The following LRBA variants were observed in gnomAD, a reference collection of about 807,000 sequenced individuals.
LRBA encodes the protein LPS responsive beige-like anchor protein.
LRBA carries 176 observed loss-of-function variants against 330.0 expected under a neutral mutation model. The ratio of observed to expected loss-of-function variants is 0.53; its 90% CI spans 0.47 to 0.60. The LOEUF (loss-of-function observed/expected upper bound fraction) is 0.60. LRBA is among the 20% of genes least tolerant of loss of function. The pLI, the probability that LRBA is intolerant of heterozygous loss-of-function variation, is 0.00. For missense variants in LRBA, 3,259 were observed against 3,444.8 expected (o/e 0.95, Z 1.35); for synonymous variants, 1,230 against 1,193.0 (o/e 1.03, Z -0.64).
chr4:150,608,105 G>C (rs1356083628), intron 37 of LRBA, among the ~76,000 whole-genome samples: 1 of 152,114 alleles, frequency 6.6e-6, no homozygotes, highest in Non-Finnish European at 1.5e-5. Flanking sequence ...CAGCTACTTG[G>C]GAAGCAGAGG....
chr4:150,663,393 A>G (rs1781295643), intron 37 of LRBA, among the ~76,000 whole-genome samples: 1 of 152,098 alleles, frequency 6.6e-6, no homozygotes, highest in Non-Finnish European at 1.5e-5. Flanking sequence ...AAGGTGCACA[A>G]AAGAGTATCA....
At chr4:151,007,145 T>G (rs964787852) in intron 2 of LRBA, among the ~76,000 whole-genome samples, 1 of 152,244 alleles carries the variant, frequency 6.6e-6, no homozygotes, top group Non-Finnish European at 1.5e-5. Context: ...CTTACATTTA[T>G]GCTCAACTGA....
At chr4:150,414,865 A>G (rs1046939078) in intron 47 of LRBA, among the ~76,000 whole-genome samples, 1 of 152,226 alleles carries the variant, frequency 6.6e-6, no homozygotes, top group Non-Finnish European at 1.5e-5. Flanking sequence ...GGCAAAAAGG[A>G]AAAGTCATAT....
intron 4 of LRBA, among the ~76,000 whole-genome samples, chr4:150,924,342 T>C (rs1017128861): frequency 1.3e-5 from 2 of 151,990 alleles, no homozygotes; most frequent in Non-Finnish European, 2.9e-5. Context: ...AGAAACTCCA[T>C]CTCTAGAAAA....
chr4:150,376,416 G>C (rs1362600307), intron 47 of LRBA, among the ~76,000 whole-genome samples: 2 of 152,116 alleles, frequency 1.3e-5, no homozygotes, highest in African/African-American at 2.4e-5. Context: ...TTTTGATTTT[G>C]AAATAAGTTT....
intron 38 of LRBA, among the ~76,000 whole-genome samples, chr4:150,597,308 T>C (rs1040361741): frequency 6.6e-6 from 1 of 151,904 alleles, no homozygotes; most frequent in Non-Finnish European, 1.5e-5. Flanking sequence ...TTTTAAGAGC[T>C]CAACAATTAA....
Position 150,677,810 on chromosome 4 carries a change from AAAAAAG to A in LRBA, c.5921+5735_5921+5740del, listed in dbSNP as rs1437926154. Among the ~76,000 whole-genome samples the A allele has an allele frequency of 3.7e-5, 4 of 108,910 alleles. No homozygotes were observed. In the South Asian group the frequency reaches 1.1e-3, roughly 29 times the overall value. 71.4% of individuals were successfully genotyped at this position (108,910 alleles called of 152,430 possible). The stretch of plus-strand genomic sequence containing the variant: ...ACGACAAGATCCCATGTCTTAAAAA[AAAAAAG>A]AAAAAGAAAAAGAAAAAAGAAAAGA... On this transcript the variant is annotated intron_variant, in intron 37 of 56. Coordinates refer to ENST00000651943, the MANE Select transcript of LRBA (RefSeq NM_001364905.1).
At position 150,398,343 on chromosome 4, in the gene LRBA, T is replaced by C. The variant is rs1422699114; in HGVS notation, c.7194+17095A>G. 2.0e-5 allele frequency among the ~76,000 whole-genome samples: 3 copies of C among 152,070 alleles called. No individual in the cohort carries two copies. In the East Asian group the frequency reaches 5.8e-4, roughly 29 times the overall value. ...AAGAAAATAAGCCAATTGACAGAGG[T>C]AGATTTCACGAGCTCATAAAAATGA... On this transcript the variant is annotated intron_variant, in intron 47 of 56. Coordinates refer to ENST00000651943, the MANE Select transcript of LRBA (RefSeq NM_001364905.1).
intron 37 of LRBA, among the ~76,000 whole-genome samples, chr4:150,603,710 G>A (rs1229735465): frequency 6.6e-6 from 1 of 152,042 alleles, no homozygotes; most frequent in African/African-American, 2.4e-5. Context: ...ACATTGCCCA[G>A]GCTGGTTTCG....
intron 51 of LRBA, chr4:150,310,826 T>A (rs1396943014): frequency 1.3e-5 from 2 of 154,270 alleles, no homozygotes; most frequent in Non-Finnish European, 2.9e-5. Context: ...TTAAATGTCA[T>A]ATATTTGAAA....
chr4:150,341,007 T>A (rs1735463286), intron 48 of LRBA, among the ~76,000 whole-genome samples: 1 of 152,140 alleles, frequency 6.6e-6, no homozygotes, highest in Non-Finnish European at 1.5e-5. Flanking sequence ...CAAATACCAC[T>A]TTGGCAGCTC....
chr4:150,853,655 T>C (rs1399566280), intron 22 of LRBA, among the ~76,000 whole-genome samples: 4 of 152,088 alleles, frequency 2.6e-5, no homozygotes, highest in African/African-American at 4.8e-5. Context: ...TTTACCCAAA[T>C]GGGAAAAAAC....
intron 2 of LRBA, among the ~76,000 whole-genome samples, chr4:151,006,809 C>T (rs1021099863): frequency 7.2e-5 from 11 of 152,262 alleles, no homozygotes; most frequent in Admixed American, 5.9e-4. Flanking sequence ...CTGTCACTTC[C>T]AGGAAACTTT....
chr4:150,404,860 T>A (rs1012826414), intron 47 of LRBA, among the ~76,000 whole-genome samples: 2 of 152,218 alleles, frequency 1.3e-5, no homozygotes, highest in African/African-American at 2.4e-5. Context: ...AATAGTATCA[T>A]TTTATTTTAT....
At chr4:150,977,058 T>C (rs1740262316) in intron 2 of LRBA, among the ~76,000 whole-genome samples, 1 of 152,154 alleles carries the variant, frequency 6.6e-6, no homozygotes, top group Non-Finnish European at 1.5e-5. Flanking sequence ...CTGAAATTCC[T>C]AGGCAAGTCC....
intron 36 of LRBA, among the ~76,000 whole-genome samples, chr4:150,703,960 T>C (rs1049727286): frequency 6.6e-6 from 1 of 152,056 alleles, no homozygotes; most frequent in Non-Finnish European, 1.5e-5. Flanking sequence ...ATCCCAGCAA[T>C]TGGAGAGGCC....
intron 2 of LRBA, among the ~76,000 whole-genome samples, chr4:151,006,712 C>A (rs1206436651): frequency 6.6e-6 from 1 of 152,072 alleles, no homozygotes; most frequent in Admixed American, 6.6e-5. Flanking sequence ...ATCTGATTTT[C>A]CAGTTCCCAA....
intron 42 of LRBA, among the ~76,000 whole-genome samples, chr4:150,481,727 C>T (rs1406046537): frequency 6.6e-6 from 1 of 152,048 alleles, no homozygotes; most frequent in Non-Finnish European, 1.5e-5. Flanking sequence ...TTTTGAAATT[C>T]ATCCATGTTG....
intron 34 of LRBA, among the ~76,000 whole-genome samples, chr4:150,788,005 A>G (rs1480990153): frequency 6.6e-6 from 1 of 152,134 alleles, no homozygotes; most frequent in East Asian, 1.9e-4. Flanking sequence ...TAGTTTTTTG[A>G]GGAACTAAAA....
Sources: allele counts gnomAD v4.1 joint callset (sites outside exome capture counted in the v4.1 genomes callset), GRCh38; gene constraint gnomAD v4.1.1; transcripts MANE v1.5; gene names NCBI Gene and HGNC (gene_info 2026-07-23, HGNC 2026-07-21).